Variants in LITAF observed in about 807,000 individuals in gnomAD.
The protein encoded by LITAF is lipopolysaccharide induced TNF factor.
LITAF carries 9 observed loss-of-function variants against 14.5 expected under a neutral mutation model. The observed-to-expected ratio is 0.62, with a 90% CI of 0.37 to 1.08. LITAF has a LOEUF of 1.08. Ranked by LOEUF, LITAF falls within the 50% of genes least tolerant of loss-of-function variation. The pLI, the probability that LITAF is intolerant of heterozygous loss-of-function variation, is 0.01. For synonymous variants in LITAF, 98 were observed against 88.2 expected, an observed-to-expected ratio of 1.11 and a Z score of -0.62; for missense variants, 206 against 213.4, an observed-to-expected ratio of 0.97 and a Z score of 0.22.
chr16:11,595,571 T>A (rs1248134081), intron 1 of LITAF, among the ~76,000 whole-genome samples: 1 of 152,082 alleles, frequency 6.6e-6, no homozygotes, highest in East Asian at 1.9e-4. Context: ...TTACTAAAAA[T>A]ACAAAAAATT....
rs781360553 is a variant in LITAF, at chr16:11,549,352, G to T, written c.*285C>A. Reference sequence around the variant, plus strand: ...CAGGAAGATATTCGGATAGGGCAATGATCACAGTTAGATGGCAGGACTCAG... The same window carrying T: ...CAGGAAGATATTCGGATAGGGCAATTATCACAGTTAGATGGCAGGACTCAG... On this transcript the variant is annotated 3_prime_UTR_variant, in exon 4 of 4. Transcript: ENST00000622633. The surrounding 1 kb of genome is among the most constrained non-coding windows in gnomAD (Gnocchi z 4.6). 1.8e-5 allele frequency: 9 copies of T among 496,662 alleles called. No homozygotes were observed. The East Asian group carries it at 5.0e-4, about 28-fold the overall frequency. The allele number at this position is 496,662 out of a possible 1,614,324, so 30.8% of individuals were successfully genotyped here.
chr16:11,588,771 G>C (rs538512940), upstream of LITAF, among the ~76,000 whole-genome samples: 4 of 152,212 alleles, frequency 2.6e-5, no homozygotes, highest in East Asian at 7.7e-4. Context: ...AAATCTCTCA[G>C]AGATAACGTT....
intron 3 of LITAF, among the ~76,000 whole-genome samples, chr16:11,603,683 A>C (rs982710213): frequency 3.3e-5 from 5 of 152,214 alleles, no homozygotes; most frequent in Non-Finnish European, 7.3e-5. Context: ...CTCAGCAGGC[A>C]TGCAATTGTG....
rs2141912349 is a variant in LITAF at position 11,634,819 on chromosome 16, A to C, written c.-21+1006T>G. Among the ~76,000 whole-genome samples the C allele has an allele frequency of 6.6e-6, 1 of 152,254 alleles. No homozygotes were observed. Among genetic ancestry groups the C allele is most frequent in the South Asian group, 2.1e-4 (1 of 4,834 alleles). On this transcript the variant is annotated intron_variant, in intron 2 of 3. Transcript: ENST00000574848. This position sits in a 1 kb window ranked among gnomAD's most constrained non-coding sequence, Gnocchi z 4.1. ...GGAGGCCAAGGCGGTAGATCACTTG[A>C]GGTGAGGAGTTCAGGACCAGCCTGG...
In LITAF at chr16:11,607,587, C is replaced by T. The variant is rs141188177; in HGVS notation, c.85+25946G>A. 2.4e-3 allele frequency among the ~76,000 whole-genome samples: 357 copies of T among 151,824 alleles called. 1 individual carries two copies. The highest frequency in any genetic ancestry group is 8.2e-3 in the African/African-American group (339 of 41,386). ...CCTTCCTTCTTATTGTTTTCTACCT[C>T]AACGTCCTCATTAAAAAAATCCTGT... is the stretch of plus-strand genomic sequence containing the variant. On this transcript the variant is annotated intron_variant, in intron 3 of 3. Transcript: ENST00000574848.
chr16:11,577,108 G>C (rs923500335), intron 1 of LITAF, among the ~76,000 whole-genome samples: 1 of 152,116 alleles, frequency 6.6e-6, no homozygotes, highest in Non-Finnish European at 1.5e-5. Flanking sequence ...CTGCAAGTTA[G>C]CTTCTATTAA....
chr16:11,630,263 G>A (rs751291827), intron 3 of LITAF, among the ~76,000 whole-genome samples: 128 of 152,286 alleles, frequency 8.4e-4, no homozygotes, highest in Non-Finnish European at 1.7e-3. Flanking sequence ...ATGACTGATC[G>A]ATTGGTTTGG....
intron 2 of LITAF, among the ~76,000 whole-genome samples, chr16:11,554,787 CAAAAAA>C (rs56346206): frequency 3.1e-5 from 2 of 64,506 alleles, no homozygotes; most frequent in Non-Finnish European, 5.9e-5. Context: ...GACTCTACCT[CAAAAAA>C]AAAAAAAAAA....
At chr16:11,566,807 A>G (rs2064458344) in intron 1 of LITAF, among the ~76,000 whole-genome samples, 1 of 152,042 alleles carries the variant, frequency 6.6e-6, no homozygotes, top group Non-Finnish European at 1.5e-5. Context: ...AAAAAAAAAA[A>G]AGATTTAGGA....
At chr16:11,582,128 G>A (rs1358007330) in intron 1 of LITAF, among the ~76,000 whole-genome samples, 6 of 152,110 alleles carry the variant, frequency 3.9e-5, no homozygotes, top group Non-Finnish European at 8.8e-5. Flanking sequence ...AGTGTTTGAG[G>A]TGATGAACAT....
At chr16:11,616,477 C>T (rs1360067380) in intron 3 of LITAF, among the ~76,000 whole-genome samples, 1 of 139,914 alleles carries the variant, frequency 7.1e-6, no homozygotes, top group Admixed American at 7.3e-5. Context: ...GACCCTGTCT[C>T]AACAAAACAA....
At chr16:11,638,014 C>CTA (rs1157225076), upstream of LITAF, among the ~76,000 whole-genome samples, 4 of 71,884 alleles carry the variant, frequency 5.6e-5, no homozygotes, top group African/African-American at 8.7e-5. Flanking sequence ...CTATATATAT[C>CTA]TATATATATC....
upstream of LITAF, among the ~76,000 whole-genome samples, chr16:11,588,617 A>G (rs988889765): frequency 2.6e-5 from 4 of 151,970 alleles, no homozygotes; most frequent in South Asian, 8.3e-4. Context: ...GGGAGAAGAG[A>G]AGAACAGGAA....
chr16:11,619,906 G>A (rs1349762606), intron 3 of LITAF, among the ~76,000 whole-genome samples: 3 of 152,116 alleles, frequency 2.0e-5, no homozygotes, highest in African/African-American at 7.2e-5. Context: ...AGTGGCTCAT[G>A]CCTGTAATCC....
Position 11,553,638 on chromosome 16 carries a change from G to C in LITAF, c.272C>G (p.Pro91Arg), listed in dbSNP as rs11544251. 18 of 1,614,142 alleles carry C rather than the reference G, an allele frequency of 1.1e-5. No homozygotes were observed. The highest frequency in any genetic ancestry group is 1.1e-5 in the Non-Finnish European group (13 of 1,180,012). The change falls in exon 3 of 4, where the codon CCT becomes CGT. Residue 91 changes from proline (P) to arginine (R), a missense_variant. Pro to Arg is a moderately radical substitution (Grantham distance 103). Transcript: ENST00000622633. The surrounding 1 kb of genome is among the most constrained non-coding windows in gnomAD (Gnocchi z 7.7). ...VQHPITFLDR[P>R]IQMCCPSCNK... ...GCAGGAAGGACAACACATTTGGATA[G>C]GGCGGTCCAAAAAGGTGATGGGGTG...
chr16:11,568,256 C>G (rs2064486759), intron 1 of LITAF, among the ~76,000 whole-genome samples: 1 of 151,252 alleles, frequency 6.6e-6, no homozygotes, highest in South Asian at 2.1e-4. Context: ...CTACTGCACT[C>G]CAGCCTGGGC....
intron 1 of LITAF, among the ~76,000 whole-genome samples, chr16:11,597,485 C>T (rs1226953697): frequency 6.6e-6 from 1 of 152,154 alleles, no homozygotes; most frequent in Non-Finnish European, 1.5e-5. Context: ...ATCATCTCCG[C>T]TTTACAGACT....
intron 1 of LITAF, among the ~76,000 whole-genome samples, chr16:11,596,056 G>A (rs1161079335): frequency 6.6e-6 from 1 of 152,148 alleles, no homozygotes; most frequent in Non-Finnish European, 1.5e-5. Flanking sequence ...TCACCGTCTG[G>A]GGGTGATGGC....
At chr16:11,556,303 C>T in intron 2 of LITAF, 1 of 592,464 alleles carries the variant, frequency 1.7e-6, no homozygotes, top group East Asian at 2.8e-5. Flanking sequence ...TGGGAAAGAT[C>T]CTAAACCATA....
Sources: gnomAD v4.1 joint callset for allele counts (sites outside exome capture counted in the v4.1 genomes callset) on GRCh38, gnomAD v4.1.1 for gene constraint, Gnocchi (gnomAD v3.1) non-coding constraint, MANE v1.5 for transcripts, NCBI Gene and HGNC (gene_info 2026-07-23, HGNC 2026-07-21) for gene names.